TTC6: variants seen among roughly 807,000 people sequenced by gnomAD.
TTC6 encodes the protein tetratricopeptide repeat domain 6, also known as tetratricopeptide repeat protein 6.
Under a neutral mutation model 210.4 loss-of-function variants are expected in TTC6, and 172 were observed. The observed-to-expected ratio is 0.82, with a 90% CI of 0.72 to 0.93. TTC6 has a LOEUF of 0.93. Among genes scored for constraint, TTC6 ranks in the 40% least tolerant of loss-of-function variants. The pLI is 0.00. For synonymous variants in TTC6, 804 were observed against 819.6 expected (o/e 0.98, Z 0.32); for missense variants, 2,414 against 2,318.1 (o/e 1.04, Z -0.85).
chr14:37,703,404 C>G (rs2095829276), intron 5 of TTC6, among the ~76,000 whole-genome samples: 1 of 152,076 alleles, frequency 6.6e-6, no homozygotes. Flanking sequence ...TCTCCAGCAT[C>G]TATCTCTTGA....
At chr14:37,815,841 T>C (rs1437321274) in intron 25 of TTC6, among the ~76,000 whole-genome samples, 1 of 152,184 alleles carries the variant, frequency 6.6e-6, no homozygotes, top group Non-Finnish European at 1.5e-5. Flanking sequence ...TCATCTTTTA[T>C]GTCTATTGTT....
chr14:37,635,367 A>G (rs2095678180), intron 1 of TTC6, among the ~76,000 whole-genome samples: 1 of 152,202 alleles, frequency 6.6e-6, no homozygotes, highest in South Asian at 2.1e-4. Context: ...TAGAATTCTA[A>G]AAAATGTTGT....
At chr14:37,606,178 A>G (rs2095624781) in intron 1 of TTC6, among the ~76,000 whole-genome samples, 1 of 152,146 alleles carries the variant, frequency 6.6e-6, no homozygotes, top group South Asian at 2.1e-4. Context: ...GGAGAACCCT[A>G]AGGCAATGGA....
intron 7 of TTC6, among the ~76,000 whole-genome samples, chr14:37,728,661 A>T (rs1223295098): frequency 6.6e-6 from 1 of 152,124 alleles, no homozygotes; most frequent in African/African-American, 2.4e-5. Context: ...TAGAGGTGCT[A>T]TATAAGTAAC....
Position 37,812,436 on chromosome 14 carries a change from A to T in TTC6, c.4689+3A>T, listed in dbSNP as rs758297904. 29 of 1,594,112 alleles carry T rather than the reference A, an allele frequency of 1.8e-5. No individual in the cohort carries two copies. Among genetic ancestry groups the T allele is most frequent in the Non-Finnish European group, 2.4e-5 (28 of 1,172,768 alleles). ...GCCAGTATGGCTTTGCACTAGAGGT[A>T]AGCCTTCCTGTTGTGTAACCCACTT... On this transcript the variant is annotated splice_donor_region_variant and intron_variant, in intron 25 of 30. Transcript: ENST00000553443.
chr14:37,735,846 A>G (rs1477965980), intron 7 of TTC6, 75 bp from the exon 10 acceptor site: 6 of 830,266 alleles, frequency 7.2e-6, no homozygotes, highest in East Asian at 2.7e-5. Flanking sequence ...ATGTTGTACT[A>G]TGAAGTAACA....
chr14:37,785,862 C>T (rs2096066270), intron 14 of TTC6, among the ~76,000 whole-genome samples: 1 of 152,182 alleles, frequency 6.6e-6, no homozygotes, highest in Admixed American at 6.5e-5. Flanking sequence ...CCCTCAGCTG[C>T]AGGTCTGTTG....
intron 8 of TTC6, among the ~76,000 whole-genome samples, chr14:37,737,209 CT>C (rs1168276298): frequency 6.6e-6 from 1 of 152,062 alleles, no homozygotes; most frequent in African/African-American, 2.4e-5. Flanking sequence ...AGTGGTAACA[CT>C]TGCGTGGTTT....
upstream of TTC6, among the ~76,000 whole-genome samples, chr14:37,620,959 T>C (rs1356867167): frequency 1.3e-5 from 2 of 152,228 alleles, no homozygotes; most frequent in Non-Finnish European, 2.9e-5. Flanking sequence ...TTCTAGTCAA[T>C]ATATCAAGTT....
At chr14:37,668,624 A>T (rs571760296) in intron 1 of TTC6, among the ~76,000 whole-genome samples, 1 of 152,190 alleles carries the variant, frequency 6.6e-6, no homozygotes, top group Non-Finnish European at 1.5e-5. Flanking sequence ...TAAAATGGAT[A>T]AATCCAGAGA....
In TTC6 at chr14:37,817,571, A is replaced by T; in HGVS notation, c.4690-7A>T. 3.1e-6 allele frequency: 5 copies of T among 1,612,990 alleles called. No individual in the cohort carries two copies. The highest frequency in any genetic ancestry group is 4.2e-6 in the Non-Finnish European group (5 of 1,179,572). Reference sequence around the variant, plus strand: ...AAAATTAACAAAAGCTTATAACATTATTTCAGGATTTTAAACAAGCTGCAC... The same window carrying T: ...AAAATTAACAAAAGCTTATAACATTTTTTCAGGATTTTAAACAAGCTGCAC... On this transcript the variant is annotated splice_region_variant and splice_polypyrimidine_tract_variant and intron_variant, in intron 25 of 30. Coordinates refer to ENST00000553443, the Ensembl canonical transcript of TTC6.
At chr14:37,813,017 T>C (rs1171973870) in intron 25 of TTC6, among the ~76,000 whole-genome samples, 1 of 152,188 alleles carries the variant, frequency 6.6e-6, no homozygotes, top group Non-Finnish European at 1.5e-5. Context: ...ATTTTTATTG[T>C]CTTTTTGTAA....
Position 37,682,931 on chromosome 14 carries a change from T to TG in TTC6, c.1225dup (p.Asp409GlyfsTer26). The TG allele has an allele frequency of 6.5e-7, 1 of 1,535,456 alleles. No homozygotes were observed. Among genetic ancestry groups the TG allele is most frequent in the Non-Finnish European group, 8.7e-7 (1 of 1,146,486 alleles). On this transcript the variant is annotated frameshift_variant, in exon 3 of 31. Transcript: ENST00000553443. LOFTEE classifies it high-confidence loss of function. ...CTTTGGAAGATGGACAGCCCACAAGTGATTCAAAAGAAGCCAAGTGGGTGT... is the reference window on the plus strand; with the variant it reads ...CTTTGGAAGATGGACAGCCCACAAGTGGATTCAAAAGAAGCCAAGTGGGTGT...
intron 1 of TTC6, among the ~76,000 whole-genome samples, chr14:37,660,446 T>C (rs1249377716): frequency 6.6e-6 from 1 of 152,222 alleles, no homozygotes; most frequent in African/African-American, 2.4e-5. Flanking sequence ...GTGTTCTTAT[T>C]GTTCAGCTTC....
At chr14:37,832,329 C>CTTTTTTTTTTTTTTTTTTTTTTTT (rs58133834) in intron 29 of TTC6, among the ~76,000 whole-genome samples, 1 of 68,918 alleles carries the variant, frequency 1.5e-5, no homozygotes, top group Non-Finnish European at 2.8e-5. Context: ...TTCTTTCTCT[C>CTTTTTTTTTTTTTTTTTTTTTTTT]TTTTTTTTTT....
chr14:37,793,320 C>A (rs1006919800), intron 17 of TTC6, among the ~76,000 whole-genome samples: 20 of 152,098 alleles, frequency 1.3e-4, no homozygotes, highest in African/African-American at 4.6e-4. Flanking sequence ...TGGTTTCAGC[C>A]AGGATAAGCT....
At chr14:37,817,224 T>C (rs1403215614) in intron 25 of TTC6, among the ~76,000 whole-genome samples, 1 of 151,974 alleles carries the variant, frequency 6.6e-6, no homozygotes, top group South Asian at 2.1e-4. Context: ...TCCAGAGGAG[T>C]TCACTGGGAA....
intron 1 of TTC6, among the ~76,000 whole-genome samples, chr14:37,600,007 C>T (rs925224607): frequency 8.5e-5 from 13 of 152,222 alleles, no homozygotes; most frequent in African/African-American, 1.9e-4. Context: ...AGCGCGGTCT[C>T]TGCTCTGTGC....
chr14:37,637,129 A>G (rs2095682451), intron 1 of TTC6, among the ~76,000 whole-genome samples: 1 of 151,262 alleles, frequency 6.6e-6, no homozygotes, highest in Non-Finnish European at 1.5e-5. Flanking sequence ...AAGAAGAACG[A>G]AAAACAAAAA....
Sources: gnomAD v4.1 joint callset for allele counts (sites outside exome capture counted in the v4.1 genomes callset) on GRCh38, gnomAD v4.1.1 for gene constraint, MANE v1.5 for transcripts, NCBI Gene and HGNC (gene_info 2026-07-23, HGNC 2026-07-21) for gene names.